Variants in GATD1 observed in about 807,000 individuals in gnomAD.
GATD1 encodes the protein glutamine amidotransferase-like class 1 domain-containing protein 1.
In GATD1, 23 loss-of-function variants were observed where a neutral mutation model predicts 25.9. The observed-to-expected ratio is 0.89, with a 90% CI of 0.64 to 1.26. The LOEUF (loss-of-function observed/expected upper bound fraction) is 1.26, where lower values mean the gene tolerates loss of function less well. Ranked by LOEUF, GATD1 falls within the 50% of genes most tolerant of loss-of-function variation. GATD1 has a pLI of 0.00. For missense variants in GATD1, 347 were observed against 312.5 expected (o/e 1.11, Z -0.83); for synonymous variants, 177 against 134.6 (o/e 1.31, Z -2.18).
chr11:777,380 C>T lies in GATD1; in HGVS notation c.64+19G>A. 1 of 1,294,520 alleles carries T rather than the reference C, an allele frequency of 7.7e-7. No homozygotes were observed. The highest frequency in any genetic ancestry group is 9.8e-7 in the Non-Finnish European group (1 of 1,018,800). The allele number at this position is 1,294,520 out of a possible 1,614,324, so 80.2% of individuals were successfully genotyped here. ...TCGCGGACGCTCTTCGGACACTGGC[C>T]CCGGCCGCCGGGCCTCACCTTCGGC... On this transcript the variant is annotated intron_variant, in intron 1 of 7. Transcript: ENST00000319863.
Position 775,130 on chromosome 11 carries a change from T to C in GATD1, c.77A>G (p.Gln26Arg). Reference sequence around the variant, plus strand: ...CATCGTGAAACAGTGGAGGAAGGACTGGGCCGACACACCTGCAGAAGGTCC... The same window carrying C: ...CATCGTGAAACAGTGGAGGAAGGACCGGGCCGACACACCTGCAGAAGGTCC... ...ASGAAEGVSA[Q>R]SFLHCFTMAS... Residue 26 changes from glutamine to arginine, a missense_variant, in exon 2 of 8, where the codon CAG becomes CGG. Gln to Arg is a conservative substitution (Grantham distance 43). Transcript: ENST00000319863. 1 of 1,603,184 alleles carries C rather than the reference T, an allele frequency of 6.2e-7. No individual in the cohort carries two copies. Among genetic ancestry groups the C allele is most frequent in the East Asian group, 2.2e-5 (1 of 44,498 alleles).
In GATD1 at chr11:770,173, T is replaced by C. The variant is rs1311313156; in HGVS notation, c.*724A>G. ...CAGCAGGCTGGACCACTGTCTGCTC[T>C]TGATAGCCGCTCTACCCGAGGCCAC... On this transcript the variant is annotated 3_prime_UTR_variant, in exon 8 of 8. Coordinates refer to ENST00000319863, the MANE Select transcript of GATD1 (RefSeq NM_182612.4). The C allele has an allele frequency of 6.3e-6, 8 of 1,276,408 alleles. No homozygotes were observed. The highest frequency in any genetic ancestry group is 7.9e-6 in the Non-Finnish European group (8 of 1,009,520). 79.1% of individuals were successfully genotyped at this position (1,276,408 alleles called of 1,614,324 possible).
At chr11:775,421 T>C (rs185275672) in intron 1 of GATD1, among the ~76,000 whole-genome samples, 1 of 152,306 alleles carries the variant, frequency 6.6e-6, no homozygotes, top group African/African-American at 2.4e-5. Context: ...GGCGGGCTCT[T>C]TCCCCAGCCT....
In GATD1 at chr11:769,108, TAAATA is replaced by T; in HGVS notation, c.*1784_*1788del. ...GAGAGACAAACTCCATCTCAAAAAA[TAAATA>T]AAATAAAAAGCATTTGTCCACAGAG... is the stretch of plus-strand genomic sequence containing the variant. On this transcript the variant is annotated 3_prime_UTR_variant, in exon 8 of 8. Coordinates refer to ENST00000319863, the MANE Select transcript of GATD1 (RefSeq NM_182612.4). 1 of 981,554 alleles carries T rather than the reference TAAATA, an allele frequency of 1.0e-6. No homozygotes were observed. Among genetic ancestry groups the T allele is most frequent in the Non-Finnish European group, 1.2e-6 (1 of 827,718 alleles). The allele number at this position is 981,554 out of a possible 1,614,324, so 60.8% of individuals were successfully genotyped here.
rs1408919355 is a variant in GATD1 at position 767,947 on chromosome 11, T to G, written c.*2950A>C. The G allele has an allele frequency of 6.6e-6, 1 of 151,032 alleles. No individual in the cohort carries two copies. Among genetic ancestry groups the G allele is most frequent in the African/African-American group, 2.4e-5 (1 of 40,898 alleles). The allele number at this position is 151,032 out of a possible 1,614,324, so 9.4% of individuals were successfully genotyped here. On this transcript the variant is annotated 3_prime_UTR_variant, in exon 8 of 8. Coordinates refer to ENST00000319863, the MANE Select transcript of GATD1 (RefSeq NM_182612.4). ...CTCACTGCAACCTCCGCCTCCTGGG[T>G]TCAAGCGATTCTCCTGCCTCAGCCT...
rs918476314 is a variant in GATD1, at chr11:772,700, C to T, written c.356-179G>A. The T allele has an allele frequency of 3.7e-5, 23 of 619,764 alleles. No homozygotes were observed. In the East Asian group the frequency reaches 6.3e-4, roughly 17 times the overall value. 38.4% of individuals were successfully genotyped at this position (619,764 alleles called of 1,614,324 possible). ...GTCCTGGCTCAGCCCGCACAGCTGG[C>T]ATCAGGAATCTGCTCGGGGGAGCTG... On this transcript the variant is annotated intron_variant, in intron 4 of 7. Transcript: ENST00000319863.
At chr11:777,129 G>C (rs974239424) in intron 1 of GATD1, 1 of 277,252 alleles carries the variant, frequency 3.6e-6, no homozygotes, top group African/African-American at 2.2e-5. Context: ...ACTCGGAGGA[G>C]CGACGCGGCG....
intron 1 of GATD1, chr11:777,113 G>C (rs953851313): frequency 3.8e-6 from 1 of 264,458 alleles, no homozygotes; most frequent in African/African-American, 2.3e-5. Context: ...TCGCCGGGCA[G>C]ACGAGACTCG....
Position 770,996 on chromosome 11 carries a change from C to G in GATD1, c.653G>C (p.Ser218Thr), listed in dbSNP as rs1247618746. The change falls in exon 7 of 8, where the codon AGC (serine) becomes ACC (threonine). Residue 218 changes from serine (S) to threonine (T), a missense_variant. Transcript: ENST00000319863. ...AVQNLLFLCG[S>T]RK The stretch of plus-strand genomic sequence containing the variant: ...GTGCCCACCCTGGTGCCCTCACCGG[C>G]TGCCACAGAGGAAGAGCAGGTTCTG... 4 of 1,613,448 alleles carry G rather than the reference C, an allele frequency of 2.5e-6. No individual in the cohort carries two copies. The highest frequency in any genetic ancestry group is 3.4e-6 in the Non-Finnish European group (4 of 1,180,010).
chr11:775,333 A>T (rs1030006264), intron 1 of GATD1, among the ~76,000 whole-genome samples, 191 bp from the exon 2 acceptor site: 1 of 152,236 alleles, frequency 6.6e-6, no homozygotes, highest in Non-Finnish European at 1.5e-5. Flanking sequence ...AGGAGAAGGA[A>T]GCTGGGAAGG....
At chr11:774,785 G>C (rs1035202209) in intron 2 of GATD1, among the ~76,000 whole-genome samples, 1 of 151,964 alleles carries the variant, frequency 6.6e-6, no homozygotes, top group South Asian at 2.1e-4. Context: ...AGCCGAGATC[G>C]CACCACCGCA....
Position 773,863 on chromosome 11 carries a change from G to A in GATD1, c.247+145C>T, listed in dbSNP as rs566226701. 956 of 740,474 alleles carry A rather than the reference G, an allele frequency of 1.3e-3. 27 individuals are homozygous for A. In the East Asian group the frequency reaches 0.026, roughly 20 times the overall value. 45.9% of individuals were successfully genotyped at this position (740,474 alleles called of 1,614,324 possible). A position where few individuals can be genotyped will look rare whatever the true frequency, so the allele number is the denominator to read the frequency against. ...GGGGCTCAGAAACTCTGGGGCCCAG[G>A]ATGTGGGGCTGGAGGCTGCCCCAAA... On this transcript the variant is annotated intron_variant, in intron 3 of 7. Coordinates refer to ENST00000319863, the MANE Select transcript of GATD1 (RefSeq NM_182612.4).
rs1047525034 is a variant in GATD1 at position 770,619 on chromosome 11, G to A, written c.*278C>T. On this transcript the variant is annotated 3_prime_UTR_variant, in exon 8 of 8. Transcript: ENST00000319863. The stretch of plus-strand genomic sequence containing the variant: ...AGAAAACCCAGCCTGGAATTCCCGA[G>A]GACCACCTAGCAGCTAGCACAGCTC... 2.8e-6 allele frequency: 4 copies of A among 1,411,662 alleles called. No homozygotes were observed. Among genetic ancestry groups the A allele is most frequent in the Admixed American group, 5.8e-5 (2 of 34,548 alleles). 87.4% of individuals were successfully genotyped at this position (1,411,662 alleles called of 1,614,324 possible). A position where few individuals can be genotyped will look rare whatever the true frequency, so the allele number is the denominator to read the frequency against.
chr11:775,857 C>G (rs920324114), intron 1 of GATD1, among the ~76,000 whole-genome samples: 1 of 152,164 alleles, frequency 6.6e-6, no homozygotes, highest in Non-Finnish European at 1.5e-5. Context: ...GACACAGCCC[C>G]GCCCACCCTG....
At chr11:776,703 G>A (rs1290064294) in intron 1 of GATD1, 1 of 152,400 alleles carries the variant, frequency 6.6e-6, no homozygotes, top group African/African-American at 2.4e-5. Flanking sequence ...GGTGACCTTG[G>A]GCTGCTCACT....
intron 4 of GATD1, among the ~76,000 whole-genome samples, chr11:772,788 G>C (rs571502265): frequency 2.1e-4 from 32 of 152,336 alleles, no homozygotes; most frequent in African/African-American, 7.2e-4. Context: ...CGAGACACAC[G>C]CAGAGAGGAG....
chr11:771,780 CA>C (rs917127125), intron 5 of GATD1, among the ~76,000 whole-genome samples: 3 of 152,142 alleles, frequency 2.0e-5, no homozygotes, highest in Non-Finnish European at 2.9e-5. Context: ...ACCACTCACT[CA>C]AGGGGTCACG....
chr11:771,345 C>G lies in GATD1; in HGVS notation c.532G>C (p.Ala178Pro). The change falls in exon 6 of 8, where the codon GCC (alanine) becomes CCC (proline). Residue 178 changes from alanine (A) to proline (P), a missense_variant. Ala to Pro is a conservative substitution (Grantham distance 27, BLOSUM62 -1). Coordinates refer to ENST00000319863, the MANE Select transcript of GATD1 (RefSeq NM_182612.4). ...VVEDFVKDSG[A>P]CFSASEPDAV... ...CCTCGAGGCTCACCACTGAAGCAGGCGCCCGAATCCTTCACGAAGTCCTCC... is the reference window on the plus strand; with the variant it reads ...CCTCGAGGCTCACCACTGAAGCAGGGGCCCGAATCCTTCACGAAGTCCTCC... 1.3e-6 allele frequency: 2 copies of G among 1,597,634 alleles called. No homozygotes were observed. Among genetic ancestry groups the G allele is most frequent in the Non-Finnish European group, 1.7e-6 (2 of 1,172,064 alleles).
Sources: gnomAD v4.1 joint callset for allele counts (sites outside exome capture counted in the v4.1 genomes callset) on GRCh38, gnomAD v4.1.1 for gene constraint, MANE v1.5 for transcripts, NCBI Gene and HGNC (gene_info 2026-07-23, HGNC 2026-07-21) for gene names.